Variants in WDR33 observed in about 807,000 individuals in gnomAD.
WDR33 encodes the protein WD repeat domain 33.
Under a neutral mutation model 164.9 loss-of-function variants are expected in WDR33, and 47 were observed. That is an observed-to-expected ratio of 0.29 (90% CI 0.23 to 0.36). WDR33 has a LOEUF of 0.36. Ranked by LOEUF, WDR33 falls within the 10% of genes least tolerant of loss-of-function variation. The pLI is 1.00. For synonymous variants in WDR33, 505 were observed against 589.0 expected, an observed-to-expected ratio of 0.86 and a Z score of 2.06; for missense variants, 1,137 against 1,754.1, an observed-to-expected ratio of 0.65 and a Z score of 6.28.
chr2:127,762,866 A>G (rs1558942529), intron 7 of WDR33, 196 bp downstream of exon 7: 4 of 1,394,186 alleles, frequency 2.9e-6, no homozygotes, highest in Non-Finnish European at 2.8e-6. Flanking sequence ...AAATTCAAAG[A>G]TAACACTGGT....
intron 7 of WDR33, among the ~76,000 whole-genome samples, chr2:127,749,398 G>A (rs1433614256): frequency 2.0e-5 from 3 of 151,970 alleles, no homozygotes; most frequent in Non-Finnish European, 2.9e-5. Context: ...GTGGTGGCTC[G>A]TGTCTGTAAT....
At chr2:127,809,414 T>C (rs953245264) in intron 1 of WDR33, among the ~76,000 whole-genome samples, 3 of 151,152 alleles carry the variant, frequency 2.0e-5, no homozygotes, top group African/African-American at 2.4e-5. Flanking sequence ...TTGTAATATA[T>C]GTAAGCCAAA....
chr2:127,729,561 G>A (rs537093385), intron 7 of WDR33, among the ~76,000 whole-genome samples: 118 of 151,090 alleles, frequency 7.8e-4, no homozygotes, highest in African/African-American at 1.8e-3. Flanking sequence ...GCGCCATCTC[G>A]GCTCACTGCA....
At chr2:127,766,858 C>T (rs937544258) in intron 4 of WDR33, among the ~76,000 whole-genome samples, 6 of 152,212 alleles carry the variant, frequency 3.9e-5, no homozygotes. Context: ...CAACCTCCAC[C>T]TCCCAGGTTC....
chr2:127,750,696 A>G (rs1338597240), intron 7 of WDR33, among the ~76,000 whole-genome samples: 5 of 61,790 alleles, frequency 8.1e-5, no homozygotes, highest in African/African-American at 3.4e-4. Context: ...ATATATATAT[A>G]TATATATATA....
intron 1 of WDR33, among the ~76,000 whole-genome samples, chr2:127,786,126 T>C (rs1285037025): frequency 2.0e-5 from 3 of 152,212 alleles, no homozygotes; most frequent in Non-Finnish European, 4.4e-5. Context: ...TTAAACCTCC[T>C]AGGCTCAAAC....
intron 8 of WDR33, among the ~76,000 whole-genome samples, chr2:127,725,706 T>G (rs1347356097): frequency 1.3e-5 from 2 of 150,934 alleles, no homozygotes; most frequent in Non-Finnish European, 2.9e-5. Flanking sequence ...TGCACTCTAG[T>G]CTGGGTGACA....
Position 127,711,780 on chromosome 2 carries a change from A to ATATT in WDR33, c.3308+1802_3308+1803insAATA. Among the ~76,000 whole-genome samples, 113 of 88,300 alleles carry ATATT rather than the reference A, an allele frequency of 1.3e-3. 3 individuals carry two copies. Among genetic ancestry groups the ATATT allele is most frequent in the Admixed American group, 4.0e-3 (34 of 8,572 alleles). 57.9% of individuals were successfully genotyped at this position (88,300 alleles called of 152,430 possible). On this transcript the variant is annotated intron_variant, in intron 18 of 21. Transcript: ENST00000322313. ...TATATATATATATATATATATATAT[A>ATATT]TTTTTTTTTTGAGACAGAGTCTCGC...
At chr2:127,765,080 C>T in intron 5 of WDR33, 94 bp downstream of exon 5, 1 of 1,556,678 alleles carries the variant, frequency 6.4e-7, no homozygotes, top group Non-Finnish European at 8.8e-7. Flanking sequence ...ATAATTCGTC[C>T]CAATTCTAAG....
In WDR33 at chr2:127,741,625, C is replaced by T. The variant is rs1687017730; in HGVS notation, c.725-14848G>A. Among the ~76,000 whole-genome samples, 1 of 152,250 alleles carries T rather than the reference C, an allele frequency of 6.6e-6. No homozygotes were observed. The highest frequency in any genetic ancestry group is 2.1e-4 in the South Asian group (1 of 4,814). ...AGATAGCTACTTATACTAACCAATA[C>T]AAACCACCATTCAAATCTCTGGACA... On this transcript the variant is annotated intron_variant, in intron 7 of 21. Transcript: ENST00000322313. The surrounding 1 kb of genome is among the most constrained non-coding windows in gnomAD (Gnocchi z 4.1).
At chr2:127,793,862 C>T (rs13417331) in intron 1 of WDR33, among the ~76,000 whole-genome samples, 3,234 of 150,126 alleles carry the variant, frequency 0.022, 124 homozygotes, top group African/African-American at 0.076. Context: ...CGGGCAGGCA[C>T]AGTGGCTCAC....
At chr2:127,749,326 G>A (rs1487552527) in intron 7 of WDR33, among the ~76,000 whole-genome samples, 6 of 151,902 alleles carry the variant, frequency 3.9e-5, no homozygotes, top group South Asian at 2.1e-4. Context: ...TGAGTGAAAC[G>A]GTCTCAATAA....
intron 1 of WDR33, among the ~76,000 whole-genome samples, chr2:127,771,490 C>T (rs1405569068): frequency 1.3e-5 from 2 of 152,130 alleles, no homozygotes; most frequent in Non-Finnish European, 2.9e-5. Flanking sequence ...TGGTGCATGA[C>T]TATATTAGAT....
Position 127,717,414 on chromosome 2 carries a change from GA to G in WDR33, c.2761-152del. 6 of 630,564 alleles carry G rather than the reference GA, an allele frequency of 9.5e-6. No individual in the cohort carries two copies. Among genetic ancestry groups the G allele is most frequent in the Non-Finnish European group, 1.5e-5 (6 of 410,288 alleles). 39.1% of individuals were successfully genotyped at this position (630,564 alleles called of 1,614,324 possible). On this transcript the variant is annotated intron_variant, in intron 16 of 21. Transcript: ENST00000322313. The surrounding 1 kb of genome is among the most constrained non-coding windows in gnomAD (Gnocchi z 5.6). Reference sequence around the variant, plus strand: ...ATTGTCCTTAAATCAGGAGAAAGGAGATACTTCTTTTACTATAATAATTTTT... The same window carrying G: ...ATTGTCCTTAAATCAGGAGAAAGGAGTACTTCTTTTACTATAATAATTTTT...
intron 4 of WDR33, among the ~76,000 whole-genome samples, chr2:127,766,025 A>G (rs780567540): frequency 5.9e-5 from 9 of 152,126 alleles, no homozygotes; most frequent in Admixed American, 5.9e-4. Flanking sequence ...AATTAAACCT[A>G]AAGTCCTTTA....
Position 127,702,024 on chromosome 2 carries a change from A to G in WDR33, c.*4299T>C. The G allele has an allele frequency of 3.1e-6, 4 of 1,293,658 alleles. No homozygotes were observed. The highest frequency in any genetic ancestry group is 3.9e-6 in the Non-Finnish European group (4 of 1,023,304). 80.1% of individuals were successfully genotyped at this position (1,293,658 alleles called of 1,614,324 possible). On this transcript the variant is annotated 3_prime_UTR_variant, in exon 22 of 22. Coordinates refer to ENST00000322313, the MANE Select transcript of WDR33 (RefSeq NM_018383.5). ...GTTCGCCGCGCTGGGCCTTCGCAGCACGCTGCTCACGGTGCTGGGCGCGGG... is the reference window on the plus strand; with the variant it reads ...GTTCGCCGCGCTGGGCCTTCGCAGCGCGCTGCTCACGGTGCTGGGCGCGGG...
rs754339729 is a variant in WDR33 at position 127,710,489 on chromosome 2, C to G, written c.3309-633G>C. 6.6e-6 allele frequency among the ~76,000 whole-genome samples: 1 copy of G among 152,128 alleles called. No homozygotes were observed. The highest frequency in any genetic ancestry group is 1.5e-5 in the Non-Finnish European group (1 of 68,002). On this transcript the variant is annotated intron_variant, in intron 18 of 21. Transcript: ENST00000322313. This position sits in a 1 kb window ranked among gnomAD's most constrained non-coding sequence, Gnocchi z 4.4. Reference sequence around the variant, plus strand: ...ATGACCACGAGTGGCACTCATGGCCCGAGTCCACAGCTGATGGGCACACAG... The same window carrying G: ...ATGACCACGAGTGGCACTCATGGCCGGAGTCCACAGCTGATGGGCACACAG...
At chr2:127,759,411 C>A (rs1325244619) in intron 7 of WDR33, among the ~76,000 whole-genome samples, 1 of 152,172 alleles carries the variant, frequency 6.6e-6, no homozygotes, top group Admixed American at 6.5e-5. Context: ...CAACTACAGG[C>A]CAGGCACGGT....
chr2:127,809,984 A>G (rs1052023576), intron 1 of WDR33, among the ~76,000 whole-genome samples: 16 of 152,332 alleles, frequency 1.1e-4, no homozygotes, highest in African/African-American at 3.4e-4. Context: ...TACAACTAGC[A>G]TAACTGTCAC....
Sources: gnomAD v4.1 joint callset for allele counts (sites outside exome capture counted in the v4.1 genomes callset) on GRCh38, gnomAD v4.1.1 for gene constraint, Gnocchi (gnomAD v3.1) non-coding constraint, MANE v1.5 for transcripts, NCBI Gene and HGNC (gene_info 2026-07-23, HGNC 2026-07-21) for gene names.